RALGAPA2: variants seen among roughly 807,000 people sequenced by gnomAD.
RALGAPA2 encodes the protein ral GTPase-activating protein subunit alpha-2.
RALGAPA2 carries 139 observed loss-of-function variants against 230.4 expected under a neutral mutation model. The observed-to-expected ratio is 0.60, with a 90% CI of 0.53 to 0.69. The LOEUF (loss-of-function observed/expected upper bound fraction) is 0.69, where lower values mean the gene tolerates loss of function less well. RALGAPA2 is among the 30% of genes least tolerant of loss of function. RALGAPA2 has a pLI of 0.00. For synonymous variants in RALGAPA2, 847 were observed against 837.8 expected, an observed-to-expected ratio of 1.01 and a Z score of -0.19; for missense variants, 2,163 against 2,276.0, an observed-to-expected ratio of 0.95 and a Z score of 1.01.
chr20:20,500,279 T>C (rs2062335612), intron 35 of RALGAPA2, among the ~76,000 whole-genome samples: 1 of 152,226 alleles, frequency 6.6e-6, no homozygotes, highest in Non-Finnish European at 1.5e-5. Flanking sequence ...TAGCATGTGA[T>C]GGTGTCTGAC....
chr20:20,547,348 C>T (rs979261112), intron 23 of RALGAPA2, among the ~76,000 whole-genome samples: 1 of 152,172 alleles, frequency 6.6e-6, no homozygotes, highest in African/African-American at 2.4e-5. Flanking sequence ...CAGTGAAATG[C>T]TAAGGTCAGG....
chr20:20,468,089 T>C (rs1419949633), intron 37 of RALGAPA2, among the ~76,000 whole-genome samples: 2 of 152,118 alleles, frequency 1.3e-5, no homozygotes, highest in Admixed American at 6.5e-5. Context: ...TTTTGCAACG[T>C]CCAACGTCAA....
rs1317728897 is a variant in RALGAPA2 at position 20,524,856 on chromosome 20, A to G, written c.3736T>C (p.Tyr1246His). ...TTCTTGTCTGTTTCCACTGAGGAGTACTCTGCACTTGGTAAAAGAAAAGCA... is the reference window on the plus strand; with the variant it reads ...TTCTTGTCTGTTTCCACTGAGGAGTGCTCTGCACTTGGTAAAAGAAAAGCA... ...TVAFLLPSAE[Y>H]SSVETDKKFI... The change falls in exon 29 of 40, where the codon TAC becomes CAC. Residue 1246 changes from tyrosine (Y) to histidine (H), a missense_variant. Coordinates refer to ENST00000202677, the MANE Select transcript of RALGAPA2 (RefSeq NM_020343.4). 6.2e-7 allele frequency: 1 copy of G among 1,611,028 alleles called. No homozygotes were observed. Among genetic ancestry groups the G allele is most frequent in the African/African-American group, 1.3e-5 (1 of 74,982 alleles).
At chr20:20,651,590 T>A (rs1156677036) in intron 4 of RALGAPA2, among the ~76,000 whole-genome samples, 1 of 152,172 alleles carries the variant, frequency 6.6e-6, no homozygotes, top group African/African-American at 2.4e-5. Flanking sequence ...ACCAGCAATT[T>A]TAACCAGTTT....
At chr20:20,417,757 G>T (rs1051196613) in intron 37 of RALGAPA2, among the ~76,000 whole-genome samples, 14 of 152,110 alleles carry the variant, frequency 9.2e-5, no homozygotes, top group African/African-American at 3.4e-4. Flanking sequence ...TAGCTTAAAA[G>T]CACCCCACAT....
chr20:20,562,227 G>A (rs964195385), intron 23 of RALGAPA2, among the ~76,000 whole-genome samples: 14 of 150,950 alleles, frequency 9.3e-5, no homozygotes, highest in African/African-American at 3.4e-4. Flanking sequence ...TATATCTACT[G>A]AGCATCTACC....
chr20:20,547,307 A>C (rs1420340002), intron 23 of RALGAPA2, among the ~76,000 whole-genome samples: 1 of 152,224 alleles, frequency 6.6e-6, no homozygotes, highest in African/African-American at 2.4e-5. Flanking sequence ...CAGAAATGGG[A>C]ATATGCAGAG....
At chr20:20,430,792 G>C (rs955696599) in intron 37 of RALGAPA2, among the ~76,000 whole-genome samples, 3 of 152,102 alleles carry the variant, frequency 2.0e-5, no homozygotes, top group Non-Finnish European at 4.4e-5. Flanking sequence ...GGGATCACCT[G>C]GTCTCAGTAT....
Position 20,437,561 on chromosome 20 carries a change from CTG to C in RALGAPA2, c.5496-25415_5496-25414del, listed in dbSNP as rs1315211733. ...TGGGTGCCTGCCCCTGCTGTCACCTCTGTGGTGTGGAGCCCTTCCCACACTTC... is the reference window on the plus strand; with the variant it reads ...TGGGTGCCTGCCCCTGCTGTCACCTCTGGTGTGGAGCCCTTCCCACACTTC... On this transcript the variant is annotated intron_variant, in intron 37 of 39. Coordinates refer to ENST00000202677, the MANE Select transcript of RALGAPA2 (RefSeq NM_020343.4). This position sits in a 1 kb window ranked among gnomAD's most constrained non-coding sequence, Gnocchi z 4.1. Among the ~76,000 whole-genome samples, 2 of 152,168 alleles carry C rather than the reference CTG, an allele frequency of 1.3e-5. No individual in the cohort carries two copies. The highest frequency in any genetic ancestry group is 2.9e-5 in the Non-Finnish European group (2 of 68,024).
chr20:20,455,200 G>T (rs983634333), intron 37 of RALGAPA2, among the ~76,000 whole-genome samples: 1 of 152,214 alleles, frequency 6.6e-6, no homozygotes, highest in Non-Finnish European at 1.5e-5. Flanking sequence ...GCTCTGCCTC[G>T]CATGACTTGC....
chr20:20,432,214 G>A (rs1345414456), intron 37 of RALGAPA2, among the ~76,000 whole-genome samples: 3 of 152,272 alleles, frequency 2.0e-5, no homozygotes, highest in South Asian at 2.1e-4. Context: ...AATAAAACAC[G>A]TAGGTACATT....
intron 37 of RALGAPA2, among the ~76,000 whole-genome samples, chr20:20,443,524 TG>T (rs1240237784): frequency 1.3e-5 from 2 of 152,316 alleles, no homozygotes; most frequent in East Asian, 3.9e-4. Flanking sequence ...AATGTGAAGC[TG>T]GTGCTATTTG....
rs2064693139 is a variant in RALGAPA2 at position 20,572,904 on chromosome 20, G to C, written c.2872C>G (p.Leu958Val). 1 of 1,560,366 alleles carries C rather than the reference G, an allele frequency of 6.4e-7. No homozygotes were observed. Among genetic ancestry groups the C allele is most frequent in the East Asian group, 2.4e-5 (1 of 42,208 alleles). Residue 958 changes from leucine (L) to valine (V), a missense_variant, in exon 21 of 40, where the codon CTC becomes GTC. Coordinates refer to ENST00000202677, the MANE Select transcript of RALGAPA2 (RefSeq NM_020343.4). ...GCTAGTTTGTACCAGAGTTCATAGA[G>C]ATAGCAGAAAACTCTGGCATGGATC... Reference protein sequence around the residue: ...PKIHARVFCYLYELWYKLAKI... With the variant: ...PKIHARVFCYVYELWYKLAKI...
At chr20:20,710,730 C>T (rs1408076847) in intron 1 of RALGAPA2, among the ~76,000 whole-genome samples, 10 of 152,194 alleles carry the variant, frequency 6.6e-5, no homozygotes, top group Non-Finnish European at 1.5e-4. Flanking sequence ...GAACAATGTA[C>T]TGTGTGCTAA....
In RALGAPA2 at chr20:20,637,464, T is replaced by A. The variant is rs369521093; in HGVS notation, c.704A>T (p.Asp235Val). 3.8e-6 allele frequency: 6 copies of A among 1,570,978 alleles called. No individual in the cohort carries two copies. The African/African-American group carries it at 8.1e-5, about 21-fold the overall frequency. The change falls in exon 8 of 40, where the codon GAT becomes GTT. Residue 235 changes from aspartate (D) to valine (V), a missense_variant. Transcript: ENST00000202677. ...TGTAAAAAGAAATTTAAAACCAGTA[T>A]CTTGATTCTCCTTATTCTTCCACTC... ...SLEWKNKENQ[D>V]TGFKFLFTLF...
chr20:20,545,696 T>C (rs1291135278), intron 24 of RALGAPA2, among the ~76,000 whole-genome samples: 3 of 152,200 alleles, frequency 2.0e-5, no homozygotes. Context: ...TCTGAATATA[T>C]AACAGCTTAT....
At position 20,398,676 on chromosome 20, in the gene RALGAPA2, G is replaced by A. The variant is rs1276288683; in HGVS notation, c.5618-1942C>T. Reference sequence around the variant, plus strand: ...GAGGGCAATGTGCTCGGAGATGGGGGGTGGGAAGAGGCCAGGAGGGACCTG... The same window carrying A: ...GAGGGCAATGTGCTCGGAGATGGGGAGTGGGAAGAGGCCAGGAGGGACCTG... On this transcript the variant is annotated intron_variant, in intron 38 of 39. Coordinates refer to ENST00000202677, the MANE Select transcript of RALGAPA2 (RefSeq NM_020343.4). The surrounding 1 kb of genome is among the most constrained non-coding windows in gnomAD (Gnocchi z 4.5). 6.6e-6 allele frequency among the ~76,000 whole-genome samples: 1 copy of A among 152,116 alleles called. No individual in the cohort carries two copies. Among genetic ancestry groups the A allele is most frequent in the Non-Finnish European group, 1.5e-5 (1 of 68,018 alleles).
intron 18 of RALGAPA2, among the ~76,000 whole-genome samples, chr20:20,587,620 A>G (rs1294865121): frequency 6.6e-6 from 1 of 152,124 alleles, no homozygotes; most frequent in African/African-American, 2.4e-5. Flanking sequence ...AAAATTCCAT[A>G]AAGCCTCAAC....
At chr20:20,615,964 T>C (rs2066129347) in intron 13 of RALGAPA2, 79 bp downstream of exon 13, 3 of 1,124,120 alleles carry the variant, frequency 2.7e-6, no homozygotes, top group African/African-American at 1.6e-5. Flanking sequence ...ATTAAATAAA[T>C]GCAAGCCTTA....
Sources: allele counts gnomAD v4.1 joint callset (sites outside exome capture counted in the v4.1 genomes callset), GRCh38; gene constraint gnomAD v4.1.1; non-coding constraint Gnocchi (gnomAD v3.1); transcripts MANE v1.5; gene names NCBI Gene and HGNC (gene_info 2026-07-23, HGNC 2026-07-21).